Variants in GPAM observed in about 807,000 individuals in gnomAD.
The protein encoded by GPAM is glycerol-3-phosphate acyltransferase 1, mitochondrial.
In GPAM, 56 loss-of-function variants were observed where a neutral mutation model predicts 105.0. The ratio of observed to expected loss-of-function variants is 0.53; its 90% CI spans 0.43 to 0.67. The LOEUF (loss-of-function observed/expected upper bound fraction) is 0.67. GPAM is among the 30% of genes least tolerant of loss of function. The pLI is 0.00. For missense variants in GPAM, 855 were observed against 989.8 expected (o/e 0.86, Z 1.83); for synonymous variants, 368 against 354.4 (o/e 1.04, Z -0.43).
At chr10:112,203,625 G>C (rs1847825265) in intron 1 of GPAM, among the ~76,000 whole-genome samples, 1 of 152,172 alleles carries the variant, frequency 6.6e-6, no homozygotes, top group Non-Finnish European at 1.5e-5. Context: ...TTAGTGTTTA[G>C]AGTTACCATT....
intron 1 of GPAM, among the ~76,000 whole-genome samples, chr10:112,194,208 C>T (rs72836652): frequency 0.13 from 19,388 of 152,124 alleles, 1,569 homozygotes; most frequent in African/African-American, 0.23. Context: ...GCTCTTAATC[C>T]GCTTTGTTGG....
chr10:112,151,091 C>A lies in GPAM; in HGVS notation c.*2459G>T, dbSNP rs1846907979. The A allele has an allele frequency of 1.0e-6, 1 of 981,766 alleles. No homozygotes were observed. Among genetic ancestry groups the A allele is most frequent in the Non-Finnish European group, 1.2e-6 (1 of 826,520 alleles). The allele number at this position is 981,766 out of a possible 1,614,324, so 60.8% of individuals were successfully genotyped here. A position where few individuals can be genotyped will look rare whatever the true frequency, so the allele number is the denominator to read the frequency against. On this transcript the variant is annotated 3_prime_UTR_variant, in exon 22 of 22. Transcript: ENST00000348367. ...CATTCTCATTTTCAAAAACAGACTG[C>A]AGTTTCATGTTGTTTAATATTGTTT... is the stretch of plus-strand genomic sequence containing the variant.
In GPAM at chr10:112,172,390, G is replaced by T. The variant is rs533865110; in HGVS notation, c.658-72C>A. ...AATCACACTTTGCAACTGCATATTT[G>T]GCTAGAGTCACTCAAACACTGGCTA... On this transcript the variant is annotated intron_variant, in intron 8 of 21. Coordinates refer to ENST00000348367, the MANE Select transcript of GPAM (RefSeq NM_001244949.2). The T allele has an allele frequency of 5.9e-5, 73 of 1,231,914 alleles. No individual in the cohort carries two copies. In the Admixed American group the frequency reaches 7.9e-4, roughly 13 times the overall value. 76.3% of individuals were successfully genotyped at this position (1,231,914 alleles called of 1,614,324 possible).
intron 12 of GPAM, among the ~76,000 whole-genome samples, chr10:112,165,825 A>G (rs909597489): frequency 1.3e-5 from 2 of 152,156 alleles, no homozygotes; most frequent in Admixed American, 6.5e-5. Flanking sequence ...TTTTTTTACA[A>G]TTATTTATTC....
intron 12 of GPAM, among the ~76,000 whole-genome samples, chr10:112,165,041 C>A (rs1396661894): frequency 1.3e-5 from 2 of 151,960 alleles, no homozygotes; most frequent in Non-Finnish European, 2.9e-5. Flanking sequence ...GCTATGTGAC[C>A]ATTTAAAAAA....
chr10:112,206,775 T>A lies in GPAM; in HGVS notation n.210+8393A>T, dbSNP rs1467369979. ...CATGGCACATGTATACATATGTAAC[T>A]AACCTGCACAATGTACACATGTACC... On this transcript the variant is annotated intron_variant and non_coding_transcript_variant, in intron 1 of 3. Coordinates refer to the GPAM transcript ENST00000480130. 3.4e-5 allele frequency among the ~76,000 whole-genome samples: 5 copies of A among 148,388 alleles called. No individual in the cohort carries two copies. In the East Asian group the frequency reaches 9.9e-4, roughly 29 times the overall value.
intron 1 of GPAM, among the ~76,000 whole-genome samples, chr10:112,198,296 T>C (rs1172298014): frequency 6.6e-6 from 1 of 152,198 alleles, no homozygotes; most frequent in Non-Finnish European, 1.5e-5. Flanking sequence ...GTAAAAGGTG[T>C]ATTTCAGAAT....
intron 1 of GPAM, among the ~76,000 whole-genome samples, chr10:112,189,307 C>T (rs192436453): frequency 2.6e-5 from 4 of 152,268 alleles, no homozygotes; most frequent in Admixed American, 2.0e-4. Flanking sequence ...CTACTTCACG[C>T]CACCCAACCT....
intron 1 of GPAM, among the ~76,000 whole-genome samples, chr10:112,194,388 T>C (rs890142019): frequency 2.6e-5 from 4 of 152,242 alleles, no homozygotes; most frequent in African/African-American, 9.6e-5. Flanking sequence ...CTACACTATA[T>C]AACATTTTAA....
At chr10:112,221,999 C>T in the GPAM span, among the ~76,000 whole-genome samples, 3 of 152,144 alleles carry the variant, frequency 2.0e-5, no homozygotes, top group African/African-American at 7.2e-5. Context: ...GAGATACCTA[C>T]CAAAATATTC....
chr10:112,208,431 T>C (rs1237705750), intron 1 of GPAM, among the ~76,000 whole-genome samples: 2 of 152,220 alleles, frequency 1.3e-5, no homozygotes, highest in African/African-American at 2.4e-5. Context: ...AGAAAGTGGA[T>C]ACTTGAGGCA....
intron 1 of GPAM, among the ~76,000 whole-genome samples, chr10:112,209,141 G>A (rs891102578): frequency 6.6e-6 from 1 of 152,204 alleles, no homozygotes; most frequent in African/African-American, 2.4e-5. Flanking sequence ...ATTGCCTGTT[G>A]AATTACCAGT....
chr10:112,190,596 C>T (rs1216693338), intron 1 of GPAM, among the ~76,000 whole-genome samples: 1 of 151,920 alleles, frequency 6.6e-6, no homozygotes, highest in East Asian at 1.9e-4. Flanking sequence ...ATAATAAGGA[C>T]TTCATTTTGA....
chr10:112,220,878 A>ACACG, the GPAM span, among the ~76,000 whole-genome samples: 4 of 152,078 alleles, frequency 2.6e-5, no homozygotes, highest in East Asian at 7.7e-4. Context: ...ACACACACAC[A>ACACG]CACACGTCAA....
At chr10:112,167,967 A>G (rs1847247300) in intron 11 of GPAM, among the ~76,000 whole-genome samples, 1 of 152,342 alleles carries the variant, frequency 6.6e-6, no homozygotes, top group African/African-American at 2.4e-5. Context: ...GCACATATTC[A>G]TTAAGCCCTG....
At chr10:112,218,639 G>C (rs564397435), upstream of GPAM, among the ~76,000 whole-genome samples, 7 of 152,312 alleles carry the variant, frequency 4.6e-5, no homozygotes, top group Admixed American at 4.6e-4. Flanking sequence ...CTACTCCATA[G>C]ACAGAGCAGC....
At chr10:112,208,718 T>C (rs907116426) in intron 1 of GPAM, among the ~76,000 whole-genome samples, 2 of 151,920 alleles carry the variant, frequency 1.3e-5, no homozygotes, top group African/African-American at 4.9e-5. Context: ...GGGATACTAA[T>C]TTTTTAATTC....
chr10:112,208,411 A>C (rs1002655210), intron 1 of GPAM, among the ~76,000 whole-genome samples: 1 of 152,024 alleles, frequency 6.6e-6, no homozygotes, highest in Non-Finnish European at 1.5e-5. Flanking sequence ...GATTTTCATG[A>C]CTCTGGCCCA....
At chr10:112,193,219 C>G (rs1400821721) in intron 1 of GPAM, among the ~76,000 whole-genome samples, 1 of 152,136 alleles carries the variant, frequency 6.6e-6, no homozygotes, top group Non-Finnish European at 1.5e-5. Flanking sequence ...CTCCCTCAGG[C>G]TGGAGTGGCA....
Sources: gnomAD v4.1 joint callset for allele counts (sites outside exome capture counted in the v4.1 genomes callset) on GRCh38, gnomAD v4.1.1 for gene constraint, MANE v1.5 for transcripts, NCBI Gene and HGNC (gene_info 2026-07-23, HGNC 2026-07-21) for gene names.